The following EDEM1 variants were observed in gnomAD, a reference collection of about 807,000 sequenced individuals.
The protein encoded by EDEM1 is ER degradation-enhancing alpha-mannosidase-like protein 1.
EDEM1 carries 67 observed loss-of-function variants against 74.4 expected under a neutral mutation model. That is an observed-to-expected ratio of 0.90 (90% CI 0.74 to 1.10). The LOEUF (loss-of-function observed/expected upper bound fraction) is 1.10. EDEM1 is among the 50% of genes least tolerant of loss of function. The pLI is 0.00. For synonymous variants in EDEM1, 382 were observed against 335.9 expected (o/e 1.14, Z -1.50); for missense variants, 926 against 851.6 (o/e 1.09, Z -1.09).
At chr3:5,193,674 C>T (rs543020401) in intron 1 of EDEM1, among the ~76,000 whole-genome samples, 1 of 152,010 alleles carries the variant, frequency 6.6e-6, no homozygotes, top group African/African-American at 2.4e-5. Flanking sequence ...CTCGGCTCAC[C>T]GCAACCTCCG....
intron 11 of EDEM1, among the ~76,000 whole-genome samples, chr3:5,214,966 A>G (rs2055214205): frequency 6.6e-6 from 1 of 152,172 alleles, no homozygotes; most frequent in Non-Finnish European, 1.5e-5. Flanking sequence ...TCAAGGCAGG[A>G]TTCCCTGAGG....
chr3:5,211,294 G>C, intron 10 of EDEM1, 78 bp downstream of exon 10: 1 of 1,350,180 alleles, frequency 7.4e-7, no homozygotes, highest in Non-Finnish European at 1.0e-6. Context: ...CCATCTGACA[G>C]GTACTTACTG....
chr3:5,199,802 C>T, intron 3 of EDEM1, 107 bp downstream of exon 3: 1 of 805,020 alleles, frequency 1.2e-6, no homozygotes. Context: ...GCAGGGAGTC[C>T]ATATGGGCTT....
chr3:5,216,328 G>C lies in EDEM1; in HGVS notation c.*410G>C, dbSNP rs181592396. On this transcript the variant is annotated 3_prime_UTR_variant, in exon 12 of 12. Coordinates refer to ENST00000256497, the MANE Select transcript of EDEM1 (RefSeq NM_014674.3). ...TATTATATTTTATTTTTTTGAGACA[G>C]GGTCTTGATATTTTTTTGGGACAGG... 1.3e-5 allele frequency: 2 copies of C among 153,878 alleles called. No homozygotes were observed. Among genetic ancestry groups the C allele is most frequent in the Non-Finnish European group, 2.9e-5 (2 of 69,256 alleles). 9.5% of individuals were successfully genotyped at this position (153,878 alleles called of 1,614,324 possible).
At position 5,216,690 on chromosome 3, in the gene EDEM1, A is replaced by G. The variant is rs2055241310; in HGVS notation, c.*772A>G. ...AATGGTCTTAACCAGAATTCTTAAC[A>G]GATAGTCTCTTAGGTTATTATGTTA... On this transcript the variant is annotated 3_prime_UTR_variant, in exon 12 of 12. Coordinates refer to ENST00000256497, the MANE Select transcript of EDEM1 (RefSeq NM_014674.3). The G allele has an allele frequency of 6.5e-6, 1 of 152,680 alleles. No individual in the cohort carries two copies. 9.5% of individuals were successfully genotyped at this position (152,680 alleles called of 1,614,324 possible).
At chr3:5,191,686 T>G (rs1208847832) in intron 1 of EDEM1, among the ~76,000 whole-genome samples, 1 of 152,216 alleles carries the variant, frequency 6.6e-6, no homozygotes, top group African/African-American at 2.4e-5. Flanking sequence ...TGCTCCAAAC[T>G]TATCTTGCCT....
chr3:5,191,266 C>T (rs1480730602), intron 1 of EDEM1, among the ~76,000 whole-genome samples: 1 of 152,144 alleles, frequency 6.6e-6, no homozygotes, highest in Non-Finnish European at 1.5e-5. Context: ...TTCTGTCACC[C>T]AGGCTGGAGT....
chr3:5,188,108 C>G lies in EDEM1; in HGVS notation c.303C>G (p.Gly101=). The change falls in exon 1 of 12, where the codon GGC becomes GGG. Residue 101 remains glycine (G), a synonymous_variant. Transcript: ENST00000256497. The stretch of plus-strand genomic sequence containing the variant: ...GGATGTGCGGCCCAGCCAACTGGGG[C>G]TACGTGCTGGGCGGCCGGGGCCGCG... ...GPGMCGPANW[G]YVLGGRGRGP... 1 of 1,516,612 alleles carries G rather than the reference C, an allele frequency of 6.6e-7. No homozygotes were observed. Among genetic ancestry groups the G allele is most frequent in the African/African-American group, 1.4e-5 (1 of 69,446 alleles). The allele number at this position is 1,516,612 out of a possible 1,614,324, so 93.9% of individuals were successfully genotyped here. A position where few individuals can be genotyped will look rare whatever the true frequency, so the allele number is the denominator to read the frequency against.
In EDEM1 at chr3:5,187,848, C is replaced by T. The variant is rs1263633317; in HGVS notation, c.43C>T (p.Leu15Phe). ...CGTCCTGGGGCTGGTGCTCCTCCGGCTTGGCCTCCATGGAGTATTGTGGCT... is the reference window on the plus strand; with the variant it reads ...CGTCCTGGGGCTGGTGCTCCTCCGGTTTGGCCTCCATGGAGTATTGTGGCT... ...ALVLGLVLLR[L>F]GLHGVLWLVF... is the part of the protein sequence containing the mutation. Residue 15 changes from leucine to phenylalanine, a missense_variant, in exon 1 of 12, where the codon CTT becomes TTT. Transcript: ENST00000256497. The T allele has an allele frequency of 6.3e-6, 10 of 1,593,108 alleles. No individual in the cohort carries two copies. The highest frequency in any genetic ancestry group is 7.7e-6 in the Non-Finnish European group (9 of 1,171,190).
At chr3:5,197,462 T>G (rs2054983532) in intron 2 of EDEM1, among the ~76,000 whole-genome samples, 1 of 152,200 alleles carries the variant, frequency 6.6e-6, no homozygotes, top group African/African-American at 2.4e-5. Flanking sequence ...TCTATAGCTA[T>G]CTGACCATAA....
chr3:5,192,306 G>A (rs2054911103), intron 1 of EDEM1, among the ~76,000 whole-genome samples: 1 of 152,166 alleles, frequency 6.6e-6, no homozygotes, highest in African/African-American at 2.4e-5. Flanking sequence ...TGTTTCTTAT[G>A]TTATCTCTGT....
intron 8 of EDEM1, among the ~76,000 whole-genome samples, chr3:5,208,912 A>G (rs1158541915): frequency 6.6e-6 from 1 of 152,070 alleles, no homozygotes; most frequent in South Asian, 2.1e-4. Flanking sequence ...TGTGTATGCC[A>G]TACATATATA....
At chr3:5,211,700 A>G (rs2055170802) in intron 10 of EDEM1, among the ~76,000 whole-genome samples, 1 of 151,298 alleles carries the variant, frequency 6.6e-6, no homozygotes, top group Non-Finnish European at 1.5e-5. Context: ...AGAGAGAGAG[A>G]ATTTCTGGAC....
intron 1 of EDEM1, among the ~76,000 whole-genome samples, chr3:5,194,823 TG>T (rs1314658397): frequency 3.3e-5 from 5 of 152,226 alleles, no homozygotes; most frequent in African/African-American, 1.2e-4. Flanking sequence ...GTATTACAGG[TG>T]GGTCGTATGA....
At position 5,208,100 on chromosome 3, in the gene EDEM1, T is replaced by C; in HGVS notation, c.1346T>C (p.Ile449Thr). ...QAFFPGLQVL[I>T]GDVEDAICLH... ...CCTGTGTCCTCTCCTTAGGTGCTGA[T>C]AGGAGATGTGGAAGATGCCATCTGC... is the stretch of plus-strand genomic sequence containing the variant. Residue 449 changes from isoleucine to threonine, a missense_variant, in exon 8 of 12, where the codon ATA (isoleucine) becomes ACA (threonine). Ile to Thr is a moderately conservative substitution (Grantham distance 89, BLOSUM62 -1). Transcript: ENST00000256497. 3 of 1,603,396 alleles carry C rather than the reference T, an allele frequency of 1.9e-6. No homozygotes were observed. The highest frequency in any genetic ancestry group is 2.5e-6 in the Non-Finnish European group (3 of 1,176,790).
At chr3:5,214,267 A>T (rs2055203449) in intron 11 of EDEM1, among the ~76,000 whole-genome samples, 1 of 152,198 alleles carries the variant, frequency 6.6e-6, no homozygotes, top group Non-Finnish European at 1.5e-5. Flanking sequence ...CAAAATTTCA[A>T]ATCTTGTTAT....
At chr3:5,195,776 C>A (rs1025082046) in intron 2 of EDEM1, among the ~76,000 whole-genome samples, 1 of 152,232 alleles carries the variant, frequency 6.6e-6, no homozygotes, top group African/African-American at 2.4e-5. Flanking sequence ...GTGGACACTC[C>A]ATGCCTGAGC....
At chr3:5,209,010 C>T (rs146859544) in intron 8 of EDEM1, among the ~76,000 whole-genome samples, 5 of 152,138 alleles carry the variant, frequency 3.3e-5, no homozygotes, top group Admixed American at 6.5e-5. Context: ...TTCAGTAGGC[C>T]GGTAACAGAT....
intron 9 of EDEM1, 150 bp from the exon 10 acceptor site, chr3:5,210,970 T>C (rs2053985313): frequency 1.4e-6 from 1 of 721,256 alleles, no homozygotes; most frequent in African/African-American, 1.8e-5. Context: ...ACCCAGGCTA[T>C]AAAAAAGGAG....
Sources: gnomAD v4.1 joint callset for allele counts (sites outside exome capture counted in the v4.1 genomes callset) on GRCh38, gnomAD v4.1.1 for gene constraint, MANE v1.5 for transcripts, NCBI Gene and HGNC (gene_info 2026-07-23, HGNC 2026-07-21) for gene names.